The following ARHGAP22 variants were observed in gnomAD, a reference collection of about 807,000 sequenced individuals.
ARHGAP22 encodes the protein Rho GTPase activating protein 22.
A neutral mutation model predicts 59.1 loss-of-function variants in ARHGAP22; 48 were observed. The ratio of observed to expected loss-of-function variants is 0.81; its 90% CI spans 0.64 to 1.03. The LOEUF (loss-of-function observed/expected upper bound fraction) is 1.03, where lower values mean the gene tolerates loss of function less well. ARHGAP22 is among the 50% of genes least tolerant of loss of function. ARHGAP22 has a pLI of 0.00. For missense variants in ARHGAP22, 1,015 were observed against 958.7 expected, an observed-to-expected ratio of 1.06 and a Z score of -0.78; for synonymous variants, 445 against 416.4, an observed-to-expected ratio of 1.07 and a Z score of -0.84.
chr10:48,596,627 C>G (rs1010641666), intron 1 of ARHGAP22, among the ~76,000 whole-genome samples: 2 of 152,218 alleles, frequency 1.3e-5, no homozygotes, highest in African/African-American at 4.8e-5. Flanking sequence ...GACCCACATT[C>G]CTGTCTTAGG....
intron 1 of ARHGAP22, among the ~76,000 whole-genome samples, chr10:48,647,934 G>T (rs1589318343): frequency 6.6e-6 from 1 of 152,160 alleles, no homozygotes; most frequent in African/African-American, 2.4e-5. Flanking sequence ...GAAGCCCAAT[G>T]CAAAACACTA....
At chr10:48,580,997 C>T (rs1389039399) in intron 2 of ARHGAP22, among the ~76,000 whole-genome samples, 1 of 151,350 alleles carries the variant, frequency 6.6e-6, no homozygotes, top group East Asian at 1.9e-4. Flanking sequence ...GCCAGTCCTT[C>T]AAGATGAGTC....
intron 3 of ARHGAP22, among the ~76,000 whole-genome samples, chr10:48,506,835 G>A (rs1480698935): frequency 6.6e-6 from 1 of 152,140 alleles, no homozygotes; most frequent in Non-Finnish European, 1.5e-5. Context: ...ACAACCTTCA[G>A]GAAGGTCTTA....
At position 48,603,274 on chromosome 10, in the gene ARHGAP22, A is replaced by T. The variant is rs374123875; in HGVS notation, c.34+1489T>A. Among the ~76,000 whole-genome samples the T allele has an allele frequency of 1.3e-4, 20 of 152,370 alleles. No individual in the cohort carries two copies. The East Asian group carries it at 3.5e-3, about 26-fold the overall frequency. Reference sequence around the variant, plus strand: ...TGCCTGTAAGCCCCTTTGCTGAAGCACTGGTCTCTTACTAGCACTGTCCAA... The same window carrying T: ...TGCCTGTAAGCCCCTTTGCTGAAGCTCTGGTCTCTTACTAGCACTGTCCAA... On this transcript the variant is annotated intron_variant, in intron 1 of 9. Transcript: ENST00000249601.
intron 1 of ARHGAP22, among the ~76,000 whole-genome samples, chr10:48,583,363 G>T (rs2059234284): frequency 6.6e-6 from 1 of 152,216 alleles, no homozygotes; most frequent in Non-Finnish European, 1.5e-5. Context: ...TGGGGTAGGG[G>T]TACAGCCTGC....
chr10:48,534,241 C>A (rs140286895), intron 3 of ARHGAP22, among the ~76,000 whole-genome samples: 212 of 152,342 alleles, frequency 1.4e-3, no homozygotes, highest in African/African-American at 4.9e-3. Flanking sequence ...GGGAGAAATT[C>A]CTGGGCCACA....
At chr10:48,628,370 T>A (rs1474486340) in intron 1 of ARHGAP22, among the ~76,000 whole-genome samples, 1 of 152,222 alleles carries the variant, frequency 6.6e-6, no homozygotes, top group Non-Finnish European at 1.5e-5. Context: ...TCTTGATAAT[T>A]CTTATTTTAA....
chr10:48,540,594 T>G (rs989786737), intron 3 of ARHGAP22, among the ~76,000 whole-genome samples: 1 of 152,156 alleles, frequency 6.6e-6, no homozygotes, highest in African/African-American at 2.4e-5. Context: ...AATCTATATA[T>G]TTTTAGTGGG....
intron 3 of ARHGAP22, among the ~76,000 whole-genome samples, chr10:48,549,858 G>A (rs1039755513): frequency 6.6e-6 from 1 of 152,126 alleles, no homozygotes; most frequent in East Asian, 1.9e-4. Flanking sequence ...CTTGGACCCT[G>A]AGCCCACTCA....
At position 48,512,091 on chromosome 10, in the gene ARHGAP22, C is replaced by A. The variant is rs138030866; in HGVS notation, c.323-32327G>T. Among the ~76,000 whole-genome samples, 461 of 152,346 alleles carry A rather than the reference C, an allele frequency of 3.0e-3. 4 individuals are homozygous for A. Among genetic ancestry groups the A allele is most frequent in the Non-Finnish European group, 4.7e-3 (323 of 68,032 alleles). ...GAGGAACCTGGATAGGCTGAAGCCA[C>A]AATGGGGAAGTTTGTATCTGACCTT... On this transcript the variant is annotated intron_variant, in intron 3 of 9. Transcript: ENST00000249601.
At chr10:48,521,929 A>G (rs1363017456) in intron 3 of ARHGAP22, among the ~76,000 whole-genome samples, 1 of 152,234 alleles carries the variant, frequency 6.6e-6, no homozygotes, top group Non-Finnish European at 1.5e-5. Context: ...CCAAACTTTC[A>G]TAATTCCTTA....
intron 3 of ARHGAP22, among the ~76,000 whole-genome samples, chr10:48,483,881 T>C (rs774052897): frequency 2.0e-5 from 3 of 152,158 alleles, no homozygotes; most frequent in Non-Finnish European, 4.4e-5. Flanking sequence ...TTTAGTTTAA[T>C]ATAGTCCCAC....
At chr10:48,504,213 A>G (rs1222713530) in intron 3 of ARHGAP22, among the ~76,000 whole-genome samples, 2 of 152,158 alleles carry the variant, frequency 1.3e-5, no homozygotes, top group African/African-American at 4.8e-5. Context: ...CAGTCATCCA[A>G]TGGCCAAGGG....
At chr10:48,439,712 C>T in the ARHGAP22 span, among the ~76,000 whole-genome samples, 1 of 152,162 alleles carries the variant, frequency 6.6e-6, no homozygotes, top group South Asian at 2.1e-4. Context: ...GAGGTTTTAG[C>T]TTTGACTGTT....
At chr10:48,451,378 A>G (rs1432232247) in intron 8 of ARHGAP22, 2 of 717,312 alleles carry the variant, frequency 2.8e-6, no homozygotes, top group African/African-American at 3.5e-5. Flanking sequence ...GCAAGCAGGG[A>G]GGAAGCACTG....
intron 3 of ARHGAP22, among the ~76,000 whole-genome samples, chr10:48,482,702 T>C (rs1331002608): frequency 6.6e-6 from 1 of 152,246 alleles, no homozygotes; most frequent in Non-Finnish European, 1.5e-5. Context: ...ATGTGATGTT[T>C]TGTTACATGC....
Position 48,625,693 on chromosome 10 carries a change from TACACACACACACAC to T in ARHGAP22, c.52+26527_52+26540del, listed in dbSNP as rs56897057. Among the ~76,000 whole-genome samples the T allele has an allele frequency of 5.6e-4, 78 of 138,966 alleles. 1 individual carries two copies. The highest frequency in any genetic ancestry group is 3.7e-3 in the South Asian group (15 of 4,022). The allele number at this position is 138,966 out of a possible 152,430, so 91.2% of individuals were successfully genotyped here. A position where few individuals can be genotyped will look rare whatever the true frequency, so the allele number is the denominator to read the frequency against. The stretch of plus-strand genomic sequence containing the variant: ...AAAGGAAGGGCCTCCCTGCAACGTG[TACACACACACACAC>T]ACACACACACACACACACACACACA... On this transcript the variant is annotated intron_variant, in intron 1 of 9. Transcript: ENST00000435790.
At chr10:48,430,695 G>A in the ARHGAP22 span, 1 of 153,662 alleles carries the variant, frequency 6.5e-6, no homozygotes, top group African/African-American at 2.4e-5. Flanking sequence ...ATAAAAATGT[G>A]TTTATCTTTC....
intron 3 of ARHGAP22, among the ~76,000 whole-genome samples, chr10:48,547,448 G>A (rs958184839): frequency 7.9e-5 from 12 of 152,240 alleles, no homozygotes; most frequent in Non-Finnish European, 1.5e-4. Context: ...GGGAGGGAAG[G>A]AGCATGGACC....
Sources: gnomAD v4.1 joint callset for allele counts (sites outside exome capture counted in the v4.1 genomes callset) on GRCh38, gnomAD v4.1.1 for gene constraint, MANE v1.5 for transcripts, NCBI Gene and HGNC (gene_info 2026-07-23, HGNC 2026-07-21) for gene names.